The following INPP5D variants were observed in gnomAD, a reference collection of about 807,000 sequenced individuals.
INPP5D encodes the protein phosphatidylinositol 3,4,5-trisphosphate 5-phosphatase 1.
INPP5D carries 33 observed loss-of-function variants against 122.9 expected under a neutral mutation model. The ratio of observed to expected loss-of-function variants is 0.27; its 90% CI spans 0.20 to 0.36. INPP5D has a LOEUF of 0.36. INPP5D is among the 10% of genes least tolerant of loss of function. INPP5D has a pLI of 1.00. For synonymous variants in INPP5D, 584 were observed against 576.2 expected (o/e 1.01, Z -0.19); for missense variants, 1,053 against 1,412.7 (o/e 0.75, Z 4.08).
At chr2:233,112,527 A>G (rs1377659650) in intron 2 of INPP5D, among the ~76,000 whole-genome samples, 3 of 152,194 alleles carry the variant, frequency 2.0e-5, no homozygotes, top group Admixed American at 6.5e-5. Flanking sequence ...AGCACTGGCT[A>G]TCTTTCATGG....
chr2:233,146,192 G>A lies in INPP5D; in HGVS notation c.784G>A (p.Val262Met), dbSNP rs375715983. 5.7e-6 allele frequency: 4 copies of A among 704,236 alleles called. No homozygotes were observed. The allele number at this position is 704,236 out of a possible 1,614,324, so 43.6% of individuals were successfully genotyped here. The change falls in exon 7 of 27, where the codon GTG becomes ATG. Residue 262 changes from valine (V) to methionine (M), a missense_variant. This residue lies in a region of INPP5D where 196 missense variants were observed against 175.6 expected (regional missense o/e 1.12). Coordinates refer to ENST00000445964, the MANE Select transcript of INPP5D (RefSeq NM_001017915.3). ...TGGTGAGGCCAATCCCATCAACATG[G>A]TGTCCAAGCTCAGCCAACTGACAAG... ...VPGEANPINM[V>M]SKLSQLTSLL... is the part of the protein sequence containing the mutation.
chr2:233,073,391 G>A (rs979145028), intron 1 of INPP5D, among the ~76,000 whole-genome samples: 1 of 152,110 alleles, frequency 6.6e-6, no homozygotes, highest in African/African-American at 2.4e-5. Context: ...TGTAATCCCA[G>A]CACTTTGGGA....
intron 2 of INPP5D, among the ~76,000 whole-genome samples, chr2:233,087,411 C>T (rs1691882139): frequency 6.6e-6 from 1 of 152,180 alleles, no homozygotes; most frequent in South Asian, 2.1e-4. Flanking sequence ...ACTGCAACCC[C>T]TGCCTCCCGG....
chr2:233,075,323 A>G (rs74689258), intron 1 of INPP5D, among the ~76,000 whole-genome samples: 2,538 of 152,332 alleles, frequency 0.017, 84 homozygotes, highest in African/African-American at 0.057. Flanking sequence ...GTCTCAGCTG[A>G]GAGCCAGTGT....
chr2:233,109,226 A>G (rs1692545833), intron 2 of INPP5D, among the ~76,000 whole-genome samples: 1 of 152,150 alleles, frequency 6.6e-6, no homozygotes, highest in Non-Finnish European at 1.5e-5. Context: ...CAGCTGAGAC[A>G]CTTGTGCTGC....
At chr2:233,161,876 C>A in intron 11 of INPP5D, 50 bp downstream of exon 11, 1 of 1,572,624 alleles carries the variant, frequency 6.4e-7, no homozygotes, top group Non-Finnish European at 8.6e-7. Flanking sequence ...CTTCTGCTTT[C>A]CTGACTCAGG....
intron 26 of INPP5D, 115 bp downstream of exon 26, chr2:233,204,832 G>A (rs1344886798): frequency 2.2e-6 from 3 of 1,394,570 alleles, no homozygotes; most frequent in East Asian, 5.2e-5. Flanking sequence ...ATGCATATGT[G>A]CGTGCATGTG....
At chr2:233,168,612 C>T (rs774323476) in intron 13 of INPP5D, among the ~76,000 whole-genome samples, 5 of 152,208 alleles carry the variant, frequency 3.3e-5, no homozygotes, top group South Asian at 2.1e-4. Flanking sequence ...ATTTGAATTT[C>T]GTATTTTCAT....
intron 1 of INPP5D, among the ~76,000 whole-genome samples, chr2:233,077,231 C>T (rs1214899686): frequency 6.6e-6 from 1 of 152,082 alleles, no homozygotes; most frequent in African/African-American, 2.4e-5. Flanking sequence ...TTTAAAATTT[C>T]TGAACTTACT....
chr2:233,199,941 C>A (rs1260364470), intron 25 of INPP5D, among the ~76,000 whole-genome samples: 1 of 152,236 alleles, frequency 6.6e-6, no homozygotes, highest in Non-Finnish European at 1.5e-5. Flanking sequence ...TGCTCGCACC[C>A]TCCAGTTCCC....
rs1409034047 is a variant in INPP5D at position 233,082,668 on chromosome 2, T to A, written c.198+3270T>A. ...CACGTGTCATAGCCCATGACAGCCC[T>A]GTATCAATCAGGGAGAGGAGCTGCC... On this transcript the variant is annotated intron_variant, in intron 2 of 26. Transcript: ENST00000445964. The surrounding 1 kb of genome is among the most constrained non-coding windows in gnomAD (Gnocchi z 4.7). Among the ~76,000 whole-genome samples, 1 of 152,192 alleles carries A rather than the reference T, an allele frequency of 6.6e-6. No homozygotes were observed. The highest frequency in any genetic ancestry group is 1.5e-5 in the Non-Finnish European group (1 of 68,016).
In INPP5D at chr2:233,166,983, C is replaced by CA. The variant is rs762605517; in HGVS notation, c.1556-2308dup. On this transcript the variant is annotated intron_variant, in intron 13 of 26. Coordinates refer to ENST00000445964, the MANE Select transcript of INPP5D (RefSeq NM_001017915.3). ...TGGGTGACAGAGCGAGACTCTATCT[C>CA]AAAAAAAAAAAAAAGTCCTTAGAAC... Among the ~76,000 whole-genome samples the CA allele has an allele frequency of 9.0e-3, 1,133 of 125,458 alleles. 3 individuals are homozygous for CA. Among genetic ancestry groups the CA allele is most frequent in the Non-Finnish European group, 0.012 (709 of 58,178 alleles). 82.3% of individuals were successfully genotyped at this position (125,458 alleles called of 152,430 possible).
At chr2:233,148,403 C>T (rs1693828343) in intron 9 of INPP5D, among the ~76,000 whole-genome samples, 1 of 152,152 alleles carries the variant, frequency 6.6e-6, no homozygotes, top group Admixed American at 6.5e-5. Context: ...TGGAAGTTTC[C>T]TCTGAGTAAG....
chr2:233,110,445 C>T (rs1692590616), intron 2 of INPP5D, among the ~76,000 whole-genome samples: 1 of 152,018 alleles, frequency 6.6e-6, no homozygotes, highest in Non-Finnish European at 1.5e-5. Flanking sequence ...AGCGATCTTC[C>T]CACCTCAGTG....
intron 1 of INPP5D, among the ~76,000 whole-genome samples, chr2:233,064,170 G>A (rs924760149): frequency 3.3e-5 from 5 of 152,270 alleles, no homozygotes; most frequent in African/African-American, 9.6e-5. Context: ...TAGAGTGGCC[G>A]GCTCAGCTGT....
intron 13 of INPP5D, chr2:233,168,962 G>A (rs1376819901): frequency 3.7e-6 from 1 of 269,262 alleles, no homozygotes. Context: ...CACTGGGAGG[G>A]AGATCAGCCC....
chr2:233,163,980 T>G, intron 12 of INPP5D, 77 bp downstream of exon 12: 1 of 1,544,500 alleles, frequency 6.5e-7, no homozygotes, highest in Non-Finnish European at 8.7e-7. Context: ...GAGGCAAGGG[T>G]GGGCTCAGCC....
chr2:233,064,837 G>A (rs1691168249), intron 1 of INPP5D, among the ~76,000 whole-genome samples: 2 of 152,204 alleles, frequency 1.3e-5, no homozygotes, highest in Admixed American at 1.3e-4. Context: ...GCTGTGGTGT[G>A]AGCGGGTGGC....
intron 2 of INPP5D, 90 bp downstream of exon 2, chr2:233,079,488 C>G: frequency 1.2e-6 from 1 of 847,352 alleles, no homozygotes; most frequent in Admixed American, 1.9e-5. Flanking sequence ...GAAGTGCACG[C>G]GCAGGTAGCC....
Sources: allele counts gnomAD v4.1 joint callset (sites outside exome capture counted in the v4.1 genomes callset), GRCh38; gene constraint gnomAD v4.1.1; regional missense constraint gnomAD v4.1.1; non-coding constraint Gnocchi (gnomAD v3.1); transcripts MANE v1.5; gene names NCBI Gene and HGNC (gene_info 2026-07-23, HGNC 2026-07-21).